CAMTA1: variants seen among roughly 807,000 people sequenced by gnomAD.
CAMTA1 encodes the protein calmodulin binding transcription activator 1.
In CAMTA1, 27 loss-of-function variants were observed where a neutral mutation model predicts 170.9. That is an observed-to-expected ratio of 0.16 (90% confidence interval 0.12 to 0.22). The LOEUF is 0.22. Ranked by LOEUF, CAMTA1 falls within the 10% of genes least tolerant of loss-of-function variation. The probability of loss-of-function intolerance (pLI) is 1.00; values close to 1 mark genes in which losing one functional copy is unlikely to be tolerated. For missense variants in CAMTA1, 1,619 were observed against 2,217.2 expected, an observed-to-expected ratio of 0.73 and a Z score of 5.42; for synonymous variants, 833 against 891.5, an observed-to-expected ratio of 0.93 and a Z score of 1.17.
intron 3 of CAMTA1, among the ~76,000 whole-genome samples, chr1:6,866,301 G>T (rs1362240537): frequency 2.0e-5 from 3 of 152,166 alleles, no homozygotes; most frequent in Non-Finnish European, 4.4e-5. Context: ...TTTAGATAGT[G>T]GATTCTTTTT....
At chr1:7,184,846 A>G (rs1275198925) in intron 4 of CAMTA1, among the ~76,000 whole-genome samples, 1 of 152,218 alleles carries the variant, frequency 6.6e-6, no homozygotes, top group Non-Finnish European at 1.5e-5. Flanking sequence ...ATAAAAAGCC[A>G]TGCTGAAAGT....
At chr1:7,438,205 C>G (rs898366115) in intron 5 of CAMTA1, among the ~76,000 whole-genome samples, 13 of 152,120 alleles carry the variant, frequency 8.5e-5, no homozygotes, top group Non-Finnish European at 1.8e-4. Context: ...CTCCAGGCAG[C>G]TGGGCAGGGC....
chr1:7,574,222 A>C (rs575888303), intron 6 of CAMTA1, among the ~76,000 whole-genome samples: 1 of 145,368 alleles, frequency 6.9e-6, no homozygotes, highest in African/African-American at 2.8e-5. Flanking sequence ...GCTCTGAGCC[A>C]AGGGCTGGGA....
At chr1:6,925,974 G>A (rs1219402437) in intron 3 of CAMTA1, among the ~76,000 whole-genome samples, 2 of 152,164 alleles carry the variant, frequency 1.3e-5, no homozygotes, top group African/African-American at 4.8e-5. Context: ...TCCATCTCCT[G>A]TGGGTATCAT....
In CAMTA1 at chr1:7,736,376, C is replaced by T; in HGVS notation, c.3099C>T (p.Cys1033=). 6.2e-7 allele frequency: 1 copy of T among 1,614,100 alleles called. No homozygotes were observed. Among genetic ancestry groups the T allele is most frequent in the Non-Finnish European group, 8.5e-7 (1 of 1,180,008 alleles). ...CTGGGACTGGGGCCTTGGGGAGCTG[C>T]TTTGAGAGCCGTGTGGTCGTGGTAT... is the stretch of plus-strand genomic sequence containing the variant. ...CASGTGALGS[C]FESRVVVVCE... is the part of the protein sequence containing the mutation. The change falls in exon 13 of 23, where the codon TGC becomes TGT. Residue 1033 remains cysteine (C), a synonymous_variant. Transcript: ENST00000303635. The surrounding 1 kb of genome is among the most constrained non-coding windows in gnomAD (Gnocchi z 4.5).
intron 11 of CAMTA1, among the ~76,000 whole-genome samples, chr1:7,704,869 G>A (rs1405000839): frequency 6.8e-6 from 1 of 147,402 alleles, no homozygotes; most frequent in African/African-American, 2.5e-5. Context: ...AGCCTGACGA[G>A]CAGGAGCCGA....
chr1:7,601,553 GGCT>G (rs1309600146), intron 6 of CAMTA1, among the ~76,000 whole-genome samples: 1 of 152,254 alleles, frequency 6.6e-6, no homozygotes, highest in East Asian at 1.9e-4. Context: ...GCCGGGCAGA[GGCT>G]GCAATCTCGG....
chr1:7,134,948 C>G (rs180760348), intron 4 of CAMTA1, among the ~76,000 whole-genome samples: 1 of 151,936 alleles, frequency 6.6e-6, no homozygotes, highest in South Asian at 2.1e-4. Context: ...AATGGGCAAG[C>G]GACATGATGA....
intron 5 of CAMTA1, among the ~76,000 whole-genome samples, chr1:7,359,623 G>T (rs1024470266): frequency 6.6e-6 from 1 of 152,206 alleles, no homozygotes; most frequent in African/African-American, 2.4e-5. Context: ...AGCAGGAAAT[G>T]TTCTGGAGCA....
chr1:6,793,103 A>C (rs758175031), intron 1 of CAMTA1, among the ~76,000 whole-genome samples: 21 of 152,072 alleles, frequency 1.4e-4, no homozygotes, highest in Non-Finnish European at 2.5e-4. Flanking sequence ...CCCTACCTGC[A>C]AATCCCAAAA....
rs552329261 is a variant in CAMTA1, at chr1:7,162,998, G to A, written c.302+71627G>A. Among the ~76,000 whole-genome samples, 7 of 152,006 alleles carry A rather than the reference G, an allele frequency of 4.6e-5. No individual in the cohort carries two copies. The East Asian group carries it at 7.8e-4, about 17-fold the overall frequency. On this transcript the variant is annotated intron_variant, in intron 4 of 22. Coordinates refer to ENST00000303635, the MANE Select transcript of CAMTA1 (RefSeq NM_015215.4). ...GGAAAATAGATTGTAGGCAGCAAGC[G>A]GGGAGGCAGGAGGACCTGTGAGGCA...
At chr1:7,507,034 G>C (rs1162409391) in intron 6 of CAMTA1, among the ~76,000 whole-genome samples, 3 of 149,300 alleles carry the variant, frequency 2.0e-5, no homozygotes, top group Non-Finnish European at 4.4e-5. Flanking sequence ...CAAAACTCAT[G>C]CTCACATTAT....
intron 6 of CAMTA1, among the ~76,000 whole-genome samples, chr1:7,600,008 T>A (rs1056321463): frequency 2.0e-5 from 3 of 152,244 alleles, no homozygotes; most frequent in Admixed American, 6.5e-5. Context: ...AGTGCATCCC[T>A]GTCTTGTGCC....
At chr1:7,568,813 A>G (rs890835771) in intron 6 of CAMTA1, among the ~76,000 whole-genome samples, 3 of 148,172 alleles carry the variant, frequency 2.0e-5, no homozygotes, top group Admixed American at 6.7e-5. Flanking sequence ...CAACATCACC[A>G]TCATCGTCAT....
chr1:7,061,495 G>C (rs1046759337), intron 3 of CAMTA1, among the ~76,000 whole-genome samples: 1 of 152,132 alleles, frequency 6.6e-6, no homozygotes, highest in Non-Finnish European at 1.5e-5. Flanking sequence ...TGTCACACCT[G>C]GTGGAGGGTG....
rs916631330 is a variant in CAMTA1, at chr1:7,602,733, T to G, written c.511-37667T>G. Among the ~76,000 whole-genome samples the G allele has an allele frequency of 1.3e-3, 199 of 152,374 alleles. 1 individual carries two copies. Among genetic ancestry groups the G allele is most frequent in the Non-Finnish European group, 4.4e-4 (30 of 68,040 alleles). On this transcript the variant is annotated intron_variant, in intron 6 of 22. Coordinates refer to ENST00000303635, the MANE Select transcript of CAMTA1 (RefSeq NM_015215.4). ...TGTTTGCTCTTGCTTTTCTAGTTCT[T>G]TTAATTGTGATGTTAGGGTGTCAAT...
intron 11 of CAMTA1, among the ~76,000 whole-genome samples, chr1:7,721,618 T>C (rs182081728): frequency 6.6e-5 from 10 of 152,308 alleles, no homozygotes; most frequent in African/African-American, 2.4e-4. Flanking sequence ...GAGAGAACCC[T>C]AGAAACGTAG....
rs188391181 is a variant in CAMTA1, at chr1:6,934,261, A to G, written c.234+109051A>G. Among the ~76,000 whole-genome samples, 8 of 152,274 alleles carry G rather than the reference A, an allele frequency of 5.3e-5. No individual in the cohort carries two copies. The highest frequency in any genetic ancestry group is 1.9e-4 in the African/African-American group (8 of 41,568). On this transcript the variant is annotated intron_variant, in intron 3 of 22. Coordinates refer to ENST00000303635, the MANE Select transcript of CAMTA1 (RefSeq NM_015215.4). This position sits in a 1 kb window ranked among gnomAD's most constrained non-coding sequence, Gnocchi z 4.5. ...TGGCTGAGCCCAGGTGTCCTCTGAG[A>G]AATGTGGACCGGAAGGATGAGGCAT...
chr1:7,102,919 C>T (rs530975749), intron 4 of CAMTA1, among the ~76,000 whole-genome samples: 3 of 152,184 alleles, frequency 2.0e-5, no homozygotes, highest in African/African-American at 4.8e-5. Context: ...TCTCTTTACT[C>T]GGTGAATACC....
Sources: gnomAD v4.1 joint callset for allele counts (sites outside exome capture counted in the v4.1 genomes callset) on GRCh38, gnomAD v4.1.1 for gene constraint, Gnocchi (gnomAD v3.1) non-coding constraint, MANE v1.5 for transcripts, NCBI Gene and HGNC (gene_info 2026-07-23, HGNC 2026-07-21) for gene names.